Variants in MLLT10 observed in about 807,000 individuals in gnomAD.
The protein encoded by MLLT10 is protein AF-10.
Under a neutral mutation model 129.1 loss-of-function variants are expected in MLLT10, and 30 were observed. The ratio of observed to expected loss-of-function variants is 0.23; its 90% CI spans 0.17 to 0.32. The LOEUF is 0.32. Ranked by LOEUF, MLLT10 falls within the 10% of genes least tolerant of loss-of-function variation. The pLI, the probability that MLLT10 is intolerant of heterozygous loss-of-function variation, is 1.00. For synonymous variants in MLLT10, 490 were observed against 446.4 expected, an observed-to-expected ratio of 1.10 and a Z score of -1.23; for missense variants, 1,119 against 1,268.3, an observed-to-expected ratio of 0.88 and a Z score of 1.79.
At chr10:21,561,199 CCT>C (rs1271148801) in intron 3 of MLLT10, among the ~76,000 whole-genome samples, 4 of 151,864 alleles carry the variant, frequency 2.6e-5, no homozygotes, top group East Asian at 3.9e-4. Flanking sequence ...AAGATTTTCC[CCT>C]GTGTTTTCTT....
Position 21,673,778 on chromosome 10 carries a change from TCA to T in MLLT10, c.1481_1482del (p.Ser494CysfsTer21), listed in dbSNP as rs776851664. 1 of 1,614,166 alleles carries T rather than the reference TCA, an allele frequency of 6.2e-7. No individual in the cohort carries two copies. Reference sequence around the variant, plus strand: ...AAATCAAGAGAATGTTTCTCATCTCTCAGTTTCTTCTGCTTCACCAACATCAT... The same window carrying T: ...AAATCAAGAGAATGTTTCTCATCTCTGTTTCTTCTGCTTCACCAACATCAT... ...NKNQENVSHL[S>X]VSSASPTSSV... On this transcript the variant is annotated frameshift_variant, in exon 11 of 23. Coordinates refer to ENST00000307729, the MANE Select transcript of MLLT10 (RefSeq NM_001195626.3). LOFTEE classifies it high-confidence loss of function.
At chr10:21,581,763 T>C (rs2041484031) in intron 3 of MLLT10, among the ~76,000 whole-genome samples, 1 of 152,204 alleles carries the variant, frequency 6.6e-6, no homozygotes, top group African/African-American at 2.4e-5. Flanking sequence ...CCTGTGATGA[T>C]TGAAAGTTTC....
intron 10 of MLLT10, 108 bp from the exon 11 acceptor site, chr10:21,673,242 C>T: frequency 3.1e-6 from 2 of 646,784 alleles, no homozygotes; most frequent in Non-Finnish European, 4.9e-6. Flanking sequence ...TTAAACTCTT[C>T]TCTTTAATGA....
rs35036202 is a variant in MLLT10, at chr10:21,726,681, C to CTT, written c.1990+350_1990+351dup. Among the ~76,000 whole-genome samples, 101 of 87,602 alleles carry CTT rather than the reference C, an allele frequency of 1.2e-3. 2 individuals are homozygous for CTT. Among genetic ancestry groups the CTT allele is most frequent in the African/African-American group, 3.3e-3 (75 of 22,942 alleles). 57.5% of individuals were successfully genotyped at this position (87,602 alleles called of 152,430 possible). A position where few individuals can be genotyped will look rare whatever the true frequency, so the allele number is the denominator to read the frequency against. ...TGCTGTGCTGCAAAATAGCAATGTCCTTTTTTTTTTTTTTTTTTTTTTTTT... is the reference window on the plus strand; with the variant it reads ...TGCTGTGCTGCAAAATAGCAATGTCCTTTTTTTTTTTTTTTTTTTTTTTTTTT... On this transcript the variant is annotated intron_variant, in intron 15 of 22. Transcript: ENST00000307729.
intron 3 of MLLT10, among the ~76,000 whole-genome samples, chr10:21,550,469 C>A (rs910582503): frequency 1.2e-4 from 19 of 152,204 alleles, no homozygotes; most frequent in African/African-American, 4.3e-4. Context: ...GTCCTACCCT[C>A]TAAGGTATTG....
chr10:21,618,233 G>T (rs921075661), intron 8 of MLLT10, among the ~76,000 whole-genome samples: 1 of 152,070 alleles, frequency 6.6e-6, no homozygotes, highest in African/African-American at 2.4e-5. Context: ...TTTGGGCTGG[G>T]CGTGGTGGCT....
Position 21,693,447 on chromosome 10 carries a change from C to T in MLLT10, c.1699+11190C>T, listed in dbSNP as rs2054070795. Among the ~76,000 whole-genome samples the T allele has an allele frequency of 4.6e-5, 7 of 151,752 alleles. No individual in the cohort carries two copies. In the South Asian group the frequency reaches 1.5e-3, roughly 32 times the overall value. The stretch of plus-strand genomic sequence containing the variant: ...ATCTCTTATGTTTTCATCAATCGTG[C>T]TCTTAGTATCTTTCCTCTTGAAAAC... On this transcript the variant is annotated intron_variant, in intron 13 of 22. Coordinates refer to ENST00000307729, the MANE Select transcript of MLLT10 (RefSeq NM_001195626.3).
At chr10:21,703,834 G>A (rs1183758563) in intron 13 of MLLT10, among the ~76,000 whole-genome samples, 2 of 151,278 alleles carry the variant, frequency 1.3e-5, no homozygotes, top group Non-Finnish European at 2.9e-5. Context: ...GTGAGCCATC[G>A]CACCCGGCCC....
At chr10:21,582,135 T>G (rs1269839129) in intron 3 of MLLT10, among the ~76,000 whole-genome samples, 2 of 152,006 alleles carry the variant, frequency 1.3e-5, no homozygotes, top group Non-Finnish European at 2.9e-5. Flanking sequence ...TTTTAAAAAT[T>G]TTTTGAGGTG....
intron 3 of MLLT10, among the ~76,000 whole-genome samples, chr10:21,542,147 A>G (rs2035283064): frequency 6.6e-6 from 1 of 152,204 alleles, no homozygotes; most frequent in African/African-American, 2.4e-5. Context: ...GAGAGAGAAG[A>G]TAATGAATAG....
At chr10:21,661,195 G>A (rs2131348296) in intron 9 of MLLT10, among the ~76,000 whole-genome samples, 1 of 152,246 alleles carries the variant, frequency 6.6e-6, no homozygotes, top group South Asian at 2.1e-4. Flanking sequence ...AATTTGTTAA[G>A]GTGTGTTTTA....
At chr10:21,550,736 T>C (rs775151032) in intron 3 of MLLT10, among the ~76,000 whole-genome samples, 2 of 152,032 alleles carry the variant, frequency 1.3e-5, no homozygotes, top group African/African-American at 2.4e-5. Flanking sequence ...TTTCACATGT[T>C]GCCCAGGCTG....
chr10:21,584,928 G>A (rs1203737705), intron 3 of MLLT10, among the ~76,000 whole-genome samples: 1 of 147,926 alleles, frequency 6.8e-6, no homozygotes, highest in Non-Finnish European at 1.5e-5. Flanking sequence ...TTTTATTTTT[G>A]TTTTTTTTGA....
chr10:21,636,822 G>A (rs2047508986), intron 8 of MLLT10, among the ~76,000 whole-genome samples: 1 of 152,110 alleles, frequency 6.6e-6, no homozygotes, highest in Admixed American at 6.6e-5. Flanking sequence ...GTTGTTGACA[G>A]CTTGTGAGTA....
intron 3 of MLLT10, among the ~76,000 whole-genome samples, chr10:21,555,513 A>G (rs118064837): frequency 7.2e-4 from 109 of 151,830 alleles, no homozygotes; most frequent in Non-Finnish European, 1.3e-3. Flanking sequence ...GTGAGTCACA[A>G]TGCCTGGCTG....
At position 21,534,313 on chromosome 10, in the gene MLLT10, CT is replaced by C. The variant is rs200909217; in HGVS notation, c.-207del. ...GCCCCTGGCCCAGCGGGAGCCCCCC[CT>C]CCCCCCAGTGCGCCTGTGCGGAGGC... On this transcript the variant is annotated 5_prime_UTR_variant, in exon 1 of 23. Transcript: ENST00000307729. The C allele has an allele frequency of 5.9e-3, 2,204 of 372,216 alleles. 110 individuals are homozygous for C. The highest frequency in any genetic ancestry group is 0.025 in the African/African-American group (1,149 of 46,404). 23.1% of individuals were successfully genotyped at this position (372,216 alleles called of 1,614,324 possible).
At chr10:21,586,161 C>G (rs2041962056) in intron 3 of MLLT10, 133 bp from the exon 4 acceptor site, 1 of 710,920 alleles carries the variant, frequency 1.4e-6, no homozygotes, top group African/African-American at 1.8e-5. Context: ...GAAGAATGTT[C>G]TGAAATATTC....
In MLLT10 at chr10:21,742,103, GGATT is replaced by G. The variant is rs1412881815; in HGVS notation, c.*121_*124del. 6 of 832,814 alleles carry G rather than the reference GGATT, an allele frequency of 7.2e-6. No individual in the cohort carries two copies. The highest frequency in any genetic ancestry group is 1.2e-5 in the Non-Finnish European group (6 of 521,350). The allele number at this position is 832,814 out of a possible 1,614,324, so 51.6% of individuals were successfully genotyped here. On this transcript the variant is annotated 3_prime_UTR_variant, in exon 23 of 23. Coordinates refer to ENST00000307729, the MANE Select transcript of MLLT10 (RefSeq NM_001195626.3). ...AACAAGAAACTCAATGCACAACAAA[GGATT>G]AATTGCTGCAAGGACATTCTTGTAA...
intron 13 of MLLT10, among the ~76,000 whole-genome samples, chr10:21,713,472 T>C (rs998107766): frequency 6.6e-6 from 1 of 152,220 alleles, no homozygotes; most frequent in African/African-American, 2.4e-5. Flanking sequence ...AGAAACGTTT[T>C]CTTGCTCTTA....
Sources: gnomAD v4.1 joint callset for allele counts (sites outside exome capture counted in the v4.1 genomes callset) on GRCh38, gnomAD v4.1.1 for gene constraint, MANE v1.5 for transcripts, NCBI Gene and HGNC (gene_info 2026-07-23, HGNC 2026-07-21) for gene names.